NEDD4L: variants seen among roughly 807,000 people sequenced by gnomAD.
The protein encoded by NEDD4L is E3 ubiquitin-protein ligase NEDD4-like.
In NEDD4L, 54 loss-of-function variants were observed where a neutral mutation model predicts 148.9. The observed-to-expected ratio is 0.36, with a 90% CI of 0.29 to 0.45. The LOEUF (loss-of-function observed/expected upper bound fraction) is 0.45. Among genes scored for constraint, NEDD4L ranks in the 20% least tolerant of loss-of-function variants. The probability of loss-of-function intolerance (pLI) is 1.00; values close to 1 mark genes in which losing one functional copy is unlikely to be tolerated. For synonymous variants in NEDD4L, 433 were observed against 440.7 expected, an observed-to-expected ratio of 0.98 and a Z score of 0.22; for missense variants, 856 against 1,233.8, an observed-to-expected ratio of 0.69 and a Z score of 4.59.
chr18:58,276,282 C>T (rs951391905), intron 5 of NEDD4L, among the ~76,000 whole-genome samples: 1 of 149,382 alleles, frequency 6.7e-6, no homozygotes, highest in African/African-American at 2.5e-5. Flanking sequence ...TATCTCAGCT[C>T]ACTGCAAGCT....
intron 23 of NEDD4L, chr18:58,372,403 G>C (rs1399359664): frequency 6.6e-6 from 1 of 152,006 alleles, no homozygotes; most frequent in East Asian, 1.9e-4. Context: ...ATAGGCATGA[G>C]CCAGCAAGCC....
chr18:58,307,976 A>T (rs1332431114), intron 5 of NEDD4L, among the ~76,000 whole-genome samples: 1 of 152,182 alleles, frequency 6.6e-6, no homozygotes, highest in Non-Finnish European at 1.5e-5. Flanking sequence ...CTTGCAGAAG[A>T]TTTGATTTTA....
chr18:58,175,567 A>G (rs1263132049), intron 2 of NEDD4L, among the ~76,000 whole-genome samples: 1 of 152,246 alleles, frequency 6.6e-6, no homozygotes, highest in African/African-American at 2.4e-5. Flanking sequence ...TGTCTAGGGC[A>G]TTGCTGAGAA....
At chr18:58,308,317 C>A (rs2057295602) in intron 5 of NEDD4L, among the ~76,000 whole-genome samples, 1 of 152,166 alleles carries the variant, frequency 6.6e-6, no homozygotes, top group Admixed American at 6.5e-5. Flanking sequence ...AATAACAGGA[C>A]CCCAGTAATA....
At position 58,341,043 on chromosome 18, in the gene NEDD4L, A is replaced by G. The variant is rs766594300; in HGVS notation, c.1131A>G (p.Ser377=). Residue 377 remains serine, a synonymous_variant, in exon 14 of 31, where the codon TCA becomes TCG. Coordinates refer to ENST00000400345, the MANE Select transcript of NEDD4L (RefSeq NM_001144967.3). The stretch of plus-strand genomic sequence containing the variant: ...ATGATTTCTTGCACAAACAGCCATC[A>G]GTGGCCTATGTACATACCACGCCGG... ...TVTGGEEPTP[S]VAYVHTTPGL... is the part of the protein sequence containing the mutation. The G allele has an allele frequency of 5.9e-5, 95 of 1,608,422 alleles. No homozygotes were observed. The highest frequency in any genetic ancestry group is 1.6e-4 in the Middle Eastern group (1 of 6,078).
At chr18:58,208,207 G>A (rs189182528) in intron 2 of NEDD4L, among the ~76,000 whole-genome samples, 53 of 152,298 alleles carry the variant, frequency 3.5e-4, no homozygotes, top group Non-Finnish European at 6.3e-4. Context: ...GGAACAAAGT[G>A]ACAAAATTAA....
chr18:58,062,186 T>TG (rs1237494961), intron 1 of NEDD4L, among the ~76,000 whole-genome samples: 1 of 152,200 alleles, frequency 6.6e-6, no homozygotes, highest in Non-Finnish European at 1.5e-5. Context: ...GAAGTCTTTG[T>TG]GTCGGTCCCA....
chr18:58,060,973 T>C (rs2082306102), intron 1 of NEDD4L, among the ~76,000 whole-genome samples: 1 of 152,150 alleles, frequency 6.6e-6, no homozygotes, highest in African/African-American at 2.4e-5. Context: ...TTGGTCAGGC[T>C]GGTCTCAAAC....
rs1373979593 is a variant in NEDD4L at position 58,350,970 on chromosome 18, C to T, written c.1654-21C>T. 2.6e-6 allele frequency: 4 copies of T among 1,568,330 alleles called. No individual in the cohort carries two copies. The African/African-American group carries it at 5.4e-5, about 21-fold the overall frequency. On this transcript the variant is annotated intron_variant, in intron 17 of 30. Coordinates refer to ENST00000400345, the MANE Select transcript of NEDD4L (RefSeq NM_001144967.3). ...AGCTAATGTTTATATTTTCTCTCTC[C>T]CTTCCTTCCCCGGATACTAGCCTGG...
At chr18:58,265,641 T>C (rs1396732702) in intron 5 of NEDD4L, among the ~76,000 whole-genome samples, 1 of 151,980 alleles carries the variant, frequency 6.6e-6, no homozygotes, top group African/African-American at 2.4e-5. Context: ...GATGGCTCAC[T>C]GCCACCTCCA....
intron 19 of NEDD4L, among the ~76,000 whole-genome samples, chr18:58,363,871 C>A (rs2045799888): frequency 6.6e-6 from 1 of 152,170 alleles, no homozygotes; most frequent in Non-Finnish European, 1.5e-5. Flanking sequence ...TTTCAAAATG[C>A]CAACGTAGGT....
intron 5 of NEDD4L, among the ~76,000 whole-genome samples, chr18:58,308,010 T>A (rs1439296281): frequency 6.6e-6 from 1 of 152,214 alleles, no homozygotes; most frequent in Non-Finnish European, 1.5e-5. Context: ...GAGACACTTA[T>A]CCTGGTAAAA....
intron 5 of NEDD4L, among the ~76,000 whole-genome samples, chr18:58,273,769 C>T (rs369235058): frequency 2.5e-4 from 38 of 152,352 alleles, no homozygotes; most frequent in Middle Eastern, 6.8e-3. Flanking sequence ...AGGTGTTTTG[C>T]TTCAGACCAA....
At chr18:58,045,578 C>G (rs953178780) in intron 1 of NEDD4L, 1 of 153,560 alleles carries the variant, frequency 6.5e-6, no homozygotes, top group African/African-American at 2.4e-5. Context: ...AAATCACTGC[C>G]TAGTCCTCTC....
chr18:58,297,273 C>T (rs1026075142), intron 5 of NEDD4L, among the ~76,000 whole-genome samples: 2 of 151,968 alleles, frequency 1.3e-5, no homozygotes, highest in East Asian at 3.9e-4. Flanking sequence ...GCCTACTGTC[C>T]CCTAGTTACA....
chr18:58,155,368 G>T (rs1316160840), intron 1 of NEDD4L, among the ~76,000 whole-genome samples: 2 of 148,788 alleles, frequency 1.3e-5, no homozygotes, highest in African/African-American at 2.5e-5. Context: ...TTTGATCTTA[G>T]GTATTTTATG....
At chr18:58,220,495 A>T (rs1304451857) in intron 2 of NEDD4L, among the ~76,000 whole-genome samples, 1 of 152,044 alleles carries the variant, frequency 6.6e-6, no homozygotes, top group African/African-American at 2.4e-5. Context: ...TGCTCCTCTA[A>T]GCCTTCAGCA....
intron 5 of NEDD4L, among the ~76,000 whole-genome samples, chr18:58,298,182 AGTTCACTCT>A (rs1373139824): frequency 3.3e-5 from 5 of 152,184 alleles, no homozygotes; most frequent in Non-Finnish European, 4.4e-5. Context: ...AATTTATGCT[AGTTCACTCT>A]GTCTACATGC....
rs1012539010 is a variant in NEDD4L at position 58,396,505 on chromosome 18, C to A, written c.*236C>A. The A allele has an allele frequency of 5.0e-6, 2 of 399,264 alleles. No homozygotes were observed. Among genetic ancestry groups the A allele is most frequent in the Non-Finnish European group, 4.6e-6 (1 of 217,152 alleles). 24.7% of individuals were successfully genotyped at this position (399,264 alleles called of 1,614,324 possible). A position where few individuals can be genotyped will look rare whatever the true frequency, so the allele number is the denominator to read the frequency against. Reference sequence around the variant, plus strand: ...GTTGATGTGTACACTAATTACATTTCAGGAGGACTTAATGCTATTTATGTT... The same window carrying A: ...GTTGATGTGTACACTAATTACATTTAAGGAGGACTTAATGCTATTTATGTT... On this transcript the variant is annotated 3_prime_UTR_variant, in exon 31 of 31. Transcript: ENST00000400345.
Sources: gnomAD v4.1 joint callset for allele counts (sites outside exome capture counted in the v4.1 genomes callset) on GRCh38, gnomAD v4.1.1 for gene constraint, MANE v1.5 for transcripts, NCBI Gene and HGNC (gene_info 2026-07-23, HGNC 2026-07-21) for gene names.